CTNNA2: variants seen among roughly 807,000 people sequenced by gnomAD.
CTNNA2 encodes catenin alpha-2.
Under a neutral mutation model 101.0 loss-of-function variants are expected in CTNNA2, and 42 were observed. The ratio of observed to expected loss-of-function variants is 0.42; its 90% confidence interval spans 0.32 to 0.54. The LOEUF is 0.54. Among genes scored for constraint, CTNNA2 ranks in the 20% least tolerant of loss-of-function variants. The pLI is 0.14. For synonymous variants in CTNNA2, 450 were observed against 456.4 expected (o/e 0.99, Z 0.18); for missense variants, 871 against 1,223.1 (o/e 0.71, Z 4.29).
chr2:80,303,046 C>T lies in CTNNA2; in HGVS notation c.1057-90165C>T, dbSNP rs1676511876. On this transcript the variant is annotated intron_variant, in intron 7 of 18. Transcript: ENST00000402739. This position sits in a 1 kb window ranked among gnomAD's most constrained non-coding sequence, Gnocchi z 7.7. The stretch of plus-strand genomic sequence containing the variant: ...CGTTGCCCGACAAGTCCATTTTCTC[C>T]AGGTTCCAAACCCAGTCCAGCGAGC... 1 of 1,613,862 alleles carries T rather than the reference C, an allele frequency of 6.2e-7. No homozygotes were observed. The highest frequency in any genetic ancestry group is 8.5e-7 in the Non-Finnish European group (1 of 1,179,994).
chr2:79,879,193 G>A (rs1683243627), intron 6 of CTNNA2, among the ~76,000 whole-genome samples: 2 of 152,294 alleles, frequency 1.3e-5, no homozygotes, highest in South Asian at 4.1e-4. Context: ...TTTGGGACCA[G>A]TACCATGCTG....
At position 79,874,195 on chromosome 2, in the gene CTNNA2, T is replaced by A. The variant is rs61291641; in HGVS notation, c.705T>A (p.Ala235=). 3.7e-6 allele frequency: 6 copies of A among 1,613,966 alleles called. No individual in the cohort carries two copies. The African/African-American group carries it at 4.0e-5, about 11-fold the overall frequency. The change falls in exon 6 of 19, where the codon GCT becomes GCA. Residue 235 remains alanine, a synonymous_variant. Transcript: ENST00000402739. The stretch of plus-strand genomic sequence containing the variant: ...TTCTCCGCCACCCAGATGTCGCCGC[T>A]ACGAGAGCCAACCGAGATTATGTGT... ...QAFLRHPDVA[A]TRANRDYVFK...
intron 3 of CTNNA2, among the ~76,000 whole-genome samples, chr2:79,783,495 T>C (rs1374130376): frequency 6.6e-6 from 1 of 152,194 alleles, no homozygotes; most frequent in Non-Finnish European, 1.5e-5. Context: ...CTTTTATTCT[T>C]TATACTTGGA....
At chr2:80,360,699 G>C (rs1674321503) in intron 7 of CTNNA2, among the ~76,000 whole-genome samples, 1 of 152,034 alleles carries the variant, frequency 6.6e-6, no homozygotes, top group Non-Finnish European at 1.5e-5. Flanking sequence ...TAGAACAGAA[G>C]TACAAGTGAA....
intron 7 of CTNNA2, chr2:80,288,972 G>A (rs998163622): frequency 6.6e-6 from 1 of 152,150 alleles, no homozygotes; most frequent in Non-Finnish European, 1.5e-5. Flanking sequence ...ACAGATATGG[G>A]ACCACAGTAG....
chr2:79,316,830 C>T (rs144114737), intron 3 of CTNNA2, among the ~76,000 whole-genome samples: 114 of 151,730 alleles, frequency 7.5e-4, no homozygotes, highest in African/African-American at 2.2e-3. Flanking sequence ...TTTCTATATA[C>T]GAGATCATGT....
intron 17 of CTNNA2, chr2:80,618,865 C>G (rs1317538920): frequency 2.9e-6 from 1 of 339,284 alleles, no homozygotes; most frequent in Non-Finnish European, 5.3e-6. Context: ...GTTCCTTTAT[C>G]TGTTCAAGAG....
chr2:79,482,985 C>T (rs1031583483), intron 4 of CTNNA2, among the ~76,000 whole-genome samples: 1 of 152,314 alleles, frequency 6.6e-6, no homozygotes, highest in African/African-American at 2.4e-5. Context: ...AGACTGTCAA[C>T]AGCACTAACA....
intron 9 of CTNNA2, among the ~76,000 whole-genome samples, chr2:80,443,303 A>G (rs1340498282): frequency 6.6e-6 from 1 of 152,344 alleles, no homozygotes; most frequent in East Asian, 1.9e-4. Context: ...TTTTCAACCC[A>G]TAATAGTATT....
chr2:80,106,686 C>T (rs540619260), intron 7 of CTNNA2, among the ~76,000 whole-genome samples: 6 of 152,196 alleles, frequency 3.9e-5, no homozygotes, highest in South Asian at 2.1e-4. Context: ...CTATGTTCTC[C>T]GATTAACAAT....
intron 1 of CTNNA2, among the ~76,000 whole-genome samples, chr2:79,576,537 A>G (rs1337536623): frequency 6.6e-6 from 1 of 152,116 alleles, no homozygotes; most frequent in African/African-American, 2.4e-5. Context: ...CAAGAGTCTC[A>G]TCGATTTGTT....
chr2:79,347,585 C>T (rs1677289839), intron 3 of CTNNA2, among the ~76,000 whole-genome samples: 1 of 152,096 alleles, frequency 6.6e-6, no homozygotes, highest in Admixed American at 6.6e-5. Flanking sequence ...CTCACTTTCT[C>T]CTTTTTTTCT....
chr2:80,425,912 A>G (rs1680950049), intron 9 of CTNNA2, among the ~76,000 whole-genome samples: 2 of 152,182 alleles, frequency 1.3e-5, no homozygotes, highest in Admixed American at 1.3e-4. Flanking sequence ...TTGCTTTAAC[A>G]AGTGAAATTT....
At chr2:80,583,340 C>T (rs547089355) in intron 14 of CTNNA2, among the ~76,000 whole-genome samples, 1 of 152,158 alleles carries the variant, frequency 6.6e-6, no homozygotes, top group African/African-American at 2.4e-5. Context: ...GGCATAGAGC[C>T]CCCTATTTCA....
intron 9 of CTNNA2, among the ~76,000 whole-genome samples, chr2:80,429,299 C>A (rs979327739): frequency 2.0e-5 from 3 of 152,128 alleles, no homozygotes; most frequent in African/African-American, 7.2e-5. Context: ...CTTCTGACAA[C>A]CTTATGAAGT....
chr2:80,272,419 T>C (rs115681727), intron 7 of CTNNA2, among the ~76,000 whole-genome samples: 3,603 of 152,322 alleles, frequency 0.024, 47 homozygotes, highest in Middle Eastern at 0.054. Flanking sequence ...TTCCAAAGGC[T>C]GAAAGTTTTA....
At chr2:80,075,826 T>TA (rs1208949919) in intron 7 of CTNNA2, among the ~76,000 whole-genome samples, 4 of 146,392 alleles carry the variant, frequency 2.7e-5, no homozygotes, top group African/African-American at 1.0e-4. Context: ...TATTTATAAA[T>TA]TAATTATTTT....
intron 3 of CTNNA2, among the ~76,000 whole-genome samples, chr2:79,348,846 T>A (rs1262781984): frequency 6.6e-6 from 1 of 152,168 alleles, no homozygotes; most frequent in Non-Finnish European, 1.5e-5. Flanking sequence ...TTGCCCCTCA[T>A]CCCCCTGTAC....
At chr2:79,880,850 T>C (rs1248763826) in intron 6 of CTNNA2, among the ~76,000 whole-genome samples, 1 of 152,116 alleles carries the variant, frequency 6.6e-6, no homozygotes, top group Non-Finnish European at 1.5e-5. Context: ...TTATTTCTTA[T>C]ATTCTGCTAG....
Sources: gnomAD v4.1 joint callset for allele counts (sites outside exome capture counted in the v4.1 genomes callset) on GRCh38, gnomAD v4.1.1 for gene constraint, Gnocchi (gnomAD v3.1) non-coding constraint, MANE v1.5 for transcripts, NCBI Gene and HGNC (gene_info 2026-07-23, HGNC 2026-07-21) for gene names.